Variants in FAM13B observed in about 807,000 individuals in gnomAD.
FAM13B encodes family with sequence similarity 13 member B.
FAM13B carries 60 observed loss-of-function variants against 117.3 expected under a neutral mutation model. That is an observed-to-expected ratio of 0.51 (90% CI 0.42 to 0.63). FAM13B has a LOEUF of 0.63. Ranked by LOEUF, FAM13B falls within the 30% of genes least tolerant of loss-of-function variation. The pLI is 0.00. For synonymous variants in FAM13B, 332 were observed against 356.1 expected, an observed-to-expected ratio of 0.93 and a Z score of 0.76; for missense variants, 972 against 1,091.9, an observed-to-expected ratio of 0.89 and a Z score of 1.55.
intron 1 of FAM13B, 74 bp from the exon 2 acceptor site, chr5:138,021,271 G>A: frequency 9.0e-7 from 1 of 1,112,142 alleles, no homozygotes; most frequent in Non-Finnish European, 1.1e-6. Context: ...AGAAGCAGCA[G>A]TACAGTCCTC....
chr5:137,951,257 A>G (rs1173668647), intron 17 of FAM13B, among the ~76,000 whole-genome samples: 1 of 149,722 alleles, frequency 6.7e-6, no homozygotes, highest in Admixed American at 6.7e-5. Flanking sequence ...GGCAAACATT[A>G]TCTTAACCAC....
At chr5:137,972,798 C>T (rs533326205) in intron 10 of FAM13B, among the ~76,000 whole-genome samples, 1 of 152,254 alleles carries the variant, frequency 6.6e-6, no homozygotes, top group South Asian at 2.1e-4. Flanking sequence ...AAATCACAAG[C>T]TTTCTTATAC....
intron 10 of FAM13B, among the ~76,000 whole-genome samples, chr5:137,971,672 A>C (rs113886052): frequency 6.6e-6 from 1 of 151,878 alleles, no homozygotes; most frequent in African/African-American, 2.4e-5. Flanking sequence ...CGAATCCAGG[A>C]GCTGGTTTTT....
At chr5:138,004,482 T>C (rs896558535) in intron 7 of FAM13B, among the ~76,000 whole-genome samples, 11 of 152,218 alleles carry the variant, frequency 7.2e-5, no homozygotes, top group South Asian at 6.2e-4. Flanking sequence ...TCTACAATGA[T>C]AGAAATGTTC....
chr5:137,967,504 C>T (rs1048290767), intron 10 of FAM13B, among the ~76,000 whole-genome samples: 20 of 151,244 alleles, frequency 1.3e-4, no homozygotes, highest in Admixed American at 1.3e-3. Context: ...ACCTGGGAGA[C>T]AAACCGAGAC....
At chr5:138,026,997 T>C (rs915274450) in intron 1 of FAM13B, among the ~76,000 whole-genome samples, 1 of 150,376 alleles carries the variant, frequency 6.6e-6, no homozygotes, top group Admixed American at 6.6e-5. Flanking sequence ...TAGCGAAGTG[T>C]GGTGGCACAC....
At chr5:137,946,178 G>T in intron 19 of FAM13B, 50 bp downstream of exon 19, 1 of 1,487,126 alleles carries the variant, frequency 6.7e-7, no homozygotes, top group South Asian at 1.2e-5. Context: ...ATTGATTCAT[G>T]TTCTTTTTTA....
intron 17 of FAM13B, 46 bp downstream of exon 17, chr5:137,952,576 TATAAAA>T: frequency 8.8e-7 from 1 of 1,136,128 alleles, no homozygotes; most frequent in Non-Finnish European, 1.3e-6. Flanking sequence ...CAGACATTAA[TATAAAA>T]AAATTTTTAA....
chr5:137,984,421 C>T (rs529993396), intron 10 of FAM13B, among the ~76,000 whole-genome samples: 1 of 152,178 alleles, frequency 6.6e-6, no homozygotes, highest in Admixed American at 6.5e-5. Context: ...CATCTCATTA[C>T]AACTAGGTCT....
chr5:137,997,837 T>G (rs941576982), intron 7 of FAM13B, among the ~76,000 whole-genome samples: 1 of 152,216 alleles, frequency 6.6e-6, no homozygotes, highest in African/African-American at 2.4e-5. Flanking sequence ...AGAAGTACCT[T>G]CATACTGTAT....
chr5:137,946,342 C>CAAAAAAAAAAAAAAACAAAAAAA, intron 18 of FAM13B, 31 bp from the exon 19 acceptor site: 6 of 919,174 alleles, frequency 6.5e-6, no homozygotes, highest in South Asian at 2.2e-5. Context: ...TAACAAAATA[C>CAAAAAAAAAAAAAAACAAAAAAA]AAAAAAAAAA....
At chr5:137,953,517 T>C in intron 15 of FAM13B, 52 bp from the exon 16 acceptor site, 3 of 1,580,422 alleles carry the variant, frequency 1.9e-6, no homozygotes, top group Non-Finnish European at 2.6e-6. Flanking sequence ...ACCAACACTG[T>C]ATCTCTTATT....
intron 1 of FAM13B, among the ~76,000 whole-genome samples, chr5:138,032,465 G>T (rs1790357344): frequency 6.6e-6 from 1 of 152,226 alleles, no homozygotes; most frequent in African/African-American, 2.4e-5. Flanking sequence ...GCAAAGAAAC[G>T]TGGGGTGTCG....
At chr5:137,942,756 C>T (rs573794562) in intron 22 of FAM13B, 119 bp downstream of exon 22, 11 of 773,932 alleles carry the variant, frequency 1.4e-5, no homozygotes, top group East Asian at 2.9e-5. Context: ...AAGCATGTGT[C>T]CTTTGATAAA....
chr5:138,036,708 T>C, upstream of FAM13B: 2 of 383,106 alleles, frequency 5.2e-6, no homozygotes, highest in African/African-American at 2.1e-5. Flanking sequence ...CTAGAGGGGG[T>C]CTATCTCAGA....
At chr5:137,956,380 C>T in intron 14 of FAM13B, 97 bp downstream of exon 14, 1 of 728,992 alleles carries the variant, frequency 1.4e-6, no homozygotes, top group Non-Finnish European at 2.1e-6. Flanking sequence ...AACAGTTTTC[C>T]TAAGATATGG....
At chr5:137,998,459 C>A (rs1333295035) in intron 7 of FAM13B, among the ~76,000 whole-genome samples, 1 of 152,150 alleles carries the variant, frequency 6.6e-6, no homozygotes, top group African/African-American at 2.4e-5. Context: ...GCATAACTTA[C>A]CTTGTTGAGA....
intron 6 of FAM13B, among the ~76,000 whole-genome samples, chr5:138,009,673 C>T (rs371186088): frequency 4.6e-5 from 7 of 151,796 alleles, no homozygotes; most frequent in Admixed American, 1.3e-4. Flanking sequence ...GGCATGGTGG[C>T]GAGCGCCTGT....
intron 14 of FAM13B, among the ~76,000 whole-genome samples, chr5:137,955,628 T>A (rs1171966172): frequency 6.6e-6 from 1 of 152,128 alleles, no homozygotes; most frequent in Non-Finnish European, 1.5e-5. Flanking sequence ...ATTAGCTTTT[T>A]ATTTATTTAT....
Sources: gnomAD v4.1 joint callset for allele counts (sites outside exome capture counted in the v4.1 genomes callset) on GRCh38, gnomAD v4.1.1 for gene constraint, MANE v1.5 for transcripts, NCBI Gene and HGNC (gene_info 2026-07-23, HGNC 2026-07-21) for gene names.